The following OXR1 variants were observed in gnomAD, a reference collection of about 807,000 sequenced individuals.
The protein encoded by OXR1 is oxidation resistance 1, also known as oxidation resistance protein 1.
A neutral mutation model predicts 104.6 loss-of-function variants in OXR1; 41 were observed. That is an observed-to-expected ratio of 0.39 (90% CI 0.31 to 0.51). The LOEUF is 0.51. Ranked by LOEUF, OXR1 falls within the 20% of genes least tolerant of loss-of-function variation. OXR1 has a pLI of 0.77. For missense variants in OXR1, 955 were observed against 1,031.9 expected (o/e 0.93, Z 1.02); for synonymous variants, 348 against 348.4 (o/e 1.00, Z 0.01).
chr8:106,643,401 G>A (rs1313489870), intron 3 of OXR1, among the ~76,000 whole-genome samples: 1 of 151,376 alleles, frequency 6.6e-6, no homozygotes, highest in Non-Finnish European at 1.5e-5. Context: ...TGGTCTAGAA[G>A]AATAGGCTGA....
chr8:106,671,709 A>G (rs1035276641), intron 3 of OXR1, among the ~76,000 whole-genome samples: 10 of 151,504 alleles, frequency 6.6e-5, no homozygotes, highest in African/African-American at 1.7e-4. Flanking sequence ...TCAGCAAACT[A>G]TCACAAGGAC....
chr8:106,399,445 T>A (rs1817915495), intron 2 of OXR1, among the ~76,000 whole-genome samples: 1 of 152,196 alleles, frequency 6.6e-6, no homozygotes, highest in South Asian at 2.1e-4. Context: ...TATAGTCTGA[T>A]GCTAGCTACC....
At position 106,489,077 on chromosome 8, in the gene OXR1, C is replaced by G. The variant is rs575548765; in HGVS notation, c.24-29866C>G. 2.8e-3 allele frequency among the ~76,000 whole-genome samples: 420 copies of G among 149,198 alleles called. 1 individual carries two copies. Among genetic ancestry groups the G allele is most frequent in the African/African-American group, 7.9e-3 (317 of 40,310 alleles). On this transcript the variant is annotated intron_variant, in intron 2 of 16. Transcript: ENST00000517566. The stretch of plus-strand genomic sequence containing the variant: ...ATGAGCATGGAATGTTCTTCCATTT[C>G]TTTGTATCCTCTTTTATTTCCTTGA...
intron 2 of OXR1, among the ~76,000 whole-genome samples, chr8:106,427,603 T>G (rs1419742800): frequency 6.6e-6 from 1 of 152,182 alleles, no homozygotes; most frequent in Non-Finnish European, 1.5e-5. Context: ...TGTGGCTGTT[T>G]TCCCTCTCTT....
intron 13 of OXR1, chr8:106,740,132 CT>C (rs1423072486): frequency 6.6e-6 from 3 of 451,976 alleles, no homozygotes; most frequent in African/African-American, 2.0e-5. Context: ...CAGGGTGATT[CT>C]TTATTTTCCT....
intron 8 of OXR1, 94 bp from the exon 9 acceptor site, chr8:106,706,288 T>C (rs763876537): frequency 8.8e-6 from 7 of 798,592 alleles, no homozygotes; most frequent in Admixed American, 3.2e-5. Flanking sequence ...TGTTAAAAAG[T>C]CTTTTTAGTG....
chr8:106,439,038 A>G (rs149942518), intron 2 of OXR1, among the ~76,000 whole-genome samples: 1 of 152,242 alleles, frequency 6.6e-6, no homozygotes, highest in East Asian at 1.9e-4. Context: ...TGTTACTGCA[A>G]TTGTTCATAT....
At position 106,705,561 on chromosome 8, in the gene OXR1, CT is replaced by C. The variant is rs1210817534; in HGVS notation, c.861-815del. On this transcript the variant is annotated intron_variant, in intron 8 of 16. Transcript: ENST00000517566. ...AACTATGTATGTATAAATGTTAATG[CT>C]TTTTTCATTAAGAACTCATATAATT... Among the ~76,000 whole-genome samples, 66 of 152,070 alleles carry C rather than the reference CT, an allele frequency of 4.3e-4. 1 individual carries two copies. The highest frequency in any genetic ancestry group is 6.5e-4 in the Non-Finnish European group (44 of 67,972).
At chr8:106,436,026 AT>A (rs1339616085) in intron 2 of OXR1, among the ~76,000 whole-genome samples, 1 of 152,036 alleles carries the variant, frequency 6.6e-6, no homozygotes, top group South Asian at 2.1e-4. Flanking sequence ...TCCACTTCAC[AT>A]TTTTTTTCCT....
chr8:106,276,159 G>A lies in OXR1; in HGVS notation c.-139+5792G>A, dbSNP rs569234381. On this transcript the variant is annotated intron_variant, in intron 1 of 16. Transcript: ENST00000517566. ...CTCTATCCTCCTAAAGAAGGTGAAA[G>A]AGACATGCTGTTTGTCATTGGGGGC... Among the ~76,000 whole-genome samples the A allele has an allele frequency of 2.0e-5, 3 of 152,348 alleles. No homozygotes were observed. In the East Asian group the frequency reaches 5.8e-4, roughly 29 times the overall value.
chr8:106,504,836 C>G (rs1259540109), intron 2 of OXR1, among the ~76,000 whole-genome samples: 2 of 152,184 alleles, frequency 1.3e-5, no homozygotes, highest in East Asian at 3.9e-4. Context: ...CATATTTTTT[C>G]TATTGCCCCT....
chr8:106,273,554 A>G (rs1040750342), intron 1 of OXR1, among the ~76,000 whole-genome samples: 7 of 152,236 alleles, frequency 4.6e-5, no homozygotes, highest in African/African-American at 7.2e-5. Context: ...GCCTTCTGCA[A>G]TTATCCAGCC....
At chr8:106,648,685 C>T (rs1383562111) in intron 3 of OXR1, among the ~76,000 whole-genome samples, 1 of 152,120 alleles carries the variant, frequency 6.6e-6, no homozygotes, top group African/African-American at 2.4e-5. Flanking sequence ...GCACAAGTTT[C>T]CAACTTATTA....
At chr8:106,417,543 T>A (rs1249032375) in intron 2 of OXR1, among the ~76,000 whole-genome samples, 1 of 152,154 alleles carries the variant, frequency 6.6e-6, no homozygotes, top group African/African-American at 2.4e-5. Flanking sequence ...AACATGTCCT[T>A]GAGGCCAATA....
intron 2 of OXR1, among the ~76,000 whole-genome samples, chr8:106,405,010 T>C (rs1032539974): frequency 6.6e-6 from 1 of 151,704 alleles, no homozygotes; most frequent in African/African-American, 2.4e-5. Context: ...ATGGATTGAG[T>C]TTCCAATGCA....
At chr8:106,345,384 CAT>C (rs1467394935) in intron 1 of OXR1, among the ~76,000 whole-genome samples, 1 of 152,226 alleles carries the variant, frequency 6.6e-6, no homozygotes, top group Admixed American at 6.5e-5. Context: ...CCATTAAACA[CAT>C]ATATTCCTGC....
At chr8:106,411,950 A>G (rs911418193) in intron 2 of OXR1, among the ~76,000 whole-genome samples, 1 of 152,150 alleles carries the variant, frequency 6.6e-6, no homozygotes, top group African/African-American at 2.4e-5. Context: ...TCTGTTTCTC[A>G]TAAGCACTGT....
Position 106,683,261 on chromosome 8 carries a change from T to G in OXR1, c.366T>G (p.Leu122=), listed in dbSNP as rs895252004. 2 of 1,605,956 alleles carry G rather than the reference T, an allele frequency of 1.2e-6. No homozygotes were observed. Among genetic ancestry groups the G allele is most frequent in the African/African-American group, 2.7e-5 (2 of 74,822 alleles). The part of the protein sequence containing the change: ...ALKFDTTPNE[L]VQLNKLFSRA... The stretch of plus-strand genomic sequence containing the variant: ...AGTTTGATACAACACCTAACGAACT[T>G]GTTCAATTAAATAAGTTATTCTCCC... Residue 122 remains leucine, a synonymous_variant, in exon 5 of 17, where the codon CTT becomes CTG. Coordinates refer to ENST00000517566, the MANE Select transcript of OXR1 (RefSeq NM_001198533.2).
At chr8:106,628,853 T>G (rs72682808) in intron 3 of OXR1, among the ~76,000 whole-genome samples, 6 of 152,160 alleles carry the variant, frequency 3.9e-5, no homozygotes, top group Non-Finnish European at 8.8e-5. Context: ...ATGTTCAGCA[T>G]TCAATATCTG....
Sources: allele counts gnomAD v4.1 joint callset (sites outside exome capture counted in the v4.1 genomes callset), GRCh38; gene constraint gnomAD v4.1.1; transcripts MANE v1.5; gene names NCBI Gene and HGNC (gene_info 2026-07-23, HGNC 2026-07-21).